Variants in KCTD8 observed in about 807,000 individuals in gnomAD.
KCTD8 encodes the protein BTB/POZ domain-containing protein KCTD8.
Under a neutral mutation model 31.5 loss-of-function variants are expected in KCTD8, and 27 were observed. The ratio of observed to expected loss-of-function variants is 0.86; its 90% CI spans 0.63 to 1.18. The LOEUF (loss-of-function observed/expected upper bound fraction) is 1.18. Among genes scored for constraint, KCTD8 ranks in the 50% most tolerant of loss-of-function variants. KCTD8 has a pLI of 0.00. For synonymous variants in KCTD8, 290 were observed against 280.0 expected, an observed-to-expected ratio of 1.04 and a Z score of -0.36; for missense variants, 658 against 647.7, an observed-to-expected ratio of 1.02 and a Z score of -0.17.
intron 1 of KCTD8, among the ~76,000 whole-genome samples, chr4:44,336,149 C>CAAAAAAAAAA (rs58161667): frequency 6.4e-5 from 3 of 46,524 alleles, no homozygotes; most frequent in African/African-American, 1.6e-4. Flanking sequence ...GACTCCGTCT[C>CAAAAAAAAAA]AAAAAAAAAA....
At chr4:44,240,363 G>A (rs1348580767) in intron 1 of KCTD8, among the ~76,000 whole-genome samples, 1 of 152,150 alleles carries the variant, frequency 6.6e-6, no homozygotes, top group Non-Finnish European at 1.5e-5. Flanking sequence ...AGGGATTTCT[G>A]AGAATCAGTG....
intron 1 of KCTD8, among the ~76,000 whole-genome samples, chr4:44,432,721 T>C (rs966624478): frequency 1.3e-5 from 2 of 151,734 alleles, no homozygotes; most frequent in Admixed American, 1.3e-4. Context: ...TCTCTATTTA[T>C]GTAACCACAC....
chr4:44,228,931 A>C (rs1715042383), intron 1 of KCTD8, among the ~76,000 whole-genome samples: 1 of 152,210 alleles, frequency 6.6e-6, no homozygotes, highest in South Asian at 2.1e-4. Context: ...TAAAATGTGC[A>C]AACACTCATT....
intron 1 of KCTD8, among the ~76,000 whole-genome samples, chr4:44,249,431 T>C (rs1266391005): frequency 1.3e-5 from 2 of 151,832 alleles, no homozygotes; most frequent in East Asian, 1.9e-4. Flanking sequence ...TTGTACTCTA[T>C]ACCAAGCATT....
chr4:44,313,684 G>C (rs779756016), intron 1 of KCTD8, among the ~76,000 whole-genome samples: 1 of 152,124 alleles, frequency 6.6e-6, no homozygotes, highest in Non-Finnish European at 1.5e-5. Flanking sequence ...AGTATCTACA[G>C]TTTACCAGGC....
At chr4:44,211,205 A>G (rs150688585) in intron 1 of KCTD8, among the ~76,000 whole-genome samples, 1 of 152,364 alleles carries the variant, frequency 6.6e-6, no homozygotes, top group African/African-American at 2.4e-5. Flanking sequence ...ATCACAAACA[A>G]TGGTTATCAC....
chr4:44,190,313 A>G (rs913711152), intron 1 of KCTD8, among the ~76,000 whole-genome samples: 1 of 152,194 alleles, frequency 6.6e-6, no homozygotes. Context: ...TTCAAGTCAA[A>G]TTGGAGAAAT....
chr4:44,361,690 T>A (rs1719501111), intron 1 of KCTD8, among the ~76,000 whole-genome samples: 1 of 152,102 alleles, frequency 6.6e-6, no homozygotes, highest in Admixed American at 6.6e-5. Context: ...TGCCAATTTT[T>A]AATGATTTAA....
At chr4:44,396,960 TCA>T (rs1397625378) in intron 1 of KCTD8, among the ~76,000 whole-genome samples, 1 of 152,084 alleles carries the variant, frequency 6.6e-6, no homozygotes. Flanking sequence ...AAAATAAGTA[TCA>T]CACTCCAAGA....
At chr4:44,322,683 T>A (rs955412586) in intron 1 of KCTD8, among the ~76,000 whole-genome samples, 22 of 152,090 alleles carry the variant, frequency 1.4e-4, no homozygotes, top group African/African-American at 5.3e-4. Flanking sequence ...CCTGTAGCAT[T>A]TCCTCAATAT....
At chr4:44,276,132 C>A (rs1036795219) in intron 1 of KCTD8, among the ~76,000 whole-genome samples, 12 of 151,906 alleles carry the variant, frequency 7.9e-5, no homozygotes, top group Non-Finnish European at 1.5e-4. Context: ...TGTCTGCAGA[C>A]AATCTAAAAC....
chr4:44,207,735 A>T (rs1296097861), intron 1 of KCTD8, among the ~76,000 whole-genome samples: 3 of 152,226 alleles, frequency 2.0e-5, no homozygotes, highest in African/African-American at 7.2e-5. Flanking sequence ...CTGCCAGTAT[A>T]TGACACCTCT....
At chr4:44,270,395 G>GT (rs1716551687) in intron 1 of KCTD8, among the ~76,000 whole-genome samples, 1 of 113,580 alleles carries the variant, frequency 8.8e-6, no homozygotes. Context: ...CTGTTGTGGG[G>GT]TGGGGGGAGG....
chr4:44,203,371 C>T (rs1378384901), intron 1 of KCTD8, among the ~76,000 whole-genome samples: 1 of 151,670 alleles, frequency 6.6e-6, no homozygotes, highest in Admixed American at 6.6e-5. Flanking sequence ...AGTGTGGAGG[C>T]AGGCGCTTGT....
At chr4:44,248,173 G>A (rs965054705) in intron 1 of KCTD8, among the ~76,000 whole-genome samples, 2 of 151,766 alleles carry the variant, frequency 1.3e-5, no homozygotes, top group Admixed American at 1.3e-4. Flanking sequence ...ACCTGAACGA[G>A]TGTAAGCTTT....
At chr4:44,371,745 T>C (rs1025803685) in intron 1 of KCTD8, among the ~76,000 whole-genome samples, 1 of 152,208 alleles carries the variant, frequency 6.6e-6, no homozygotes, top group Non-Finnish European at 1.5e-5. Flanking sequence ...CATCAGTATC[T>C]ACATTGTAAA....
At chr4:44,428,560 C>T (rs916684096) in intron 1 of KCTD8, among the ~76,000 whole-genome samples, 2 of 151,694 alleles carry the variant, frequency 1.3e-5, no homozygotes, top group Non-Finnish European at 3.0e-5. Flanking sequence ...TTTTAGCTCC[C>T]TCCTTCTCTC....
chr4:44,299,755 A>AT (rs147063305), intron 1 of KCTD8, among the ~76,000 whole-genome samples: 60 of 141,438 alleles, frequency 4.2e-4, no homozygotes, highest in Middle Eastern at 3.9e-3. Flanking sequence ...GCCTTAGGTG[A>AT]TTTTTTTTTT....
At chr4:44,392,854 C>A (rs1290188274) in intron 1 of KCTD8, among the ~76,000 whole-genome samples, 1 of 151,960 alleles carries the variant, frequency 6.6e-6, no homozygotes, top group Non-Finnish European at 1.5e-5. Flanking sequence ...TAAACTATAG[C>A]TCTGTACAGC....
Sources: allele counts gnomAD v4.1 joint callset (sites outside exome capture counted in the v4.1 genomes callset), GRCh38; gene constraint gnomAD v4.1.1; transcripts MANE v1.5; gene names NCBI Gene and HGNC (gene_info 2026-07-23, HGNC 2026-07-21).